SMCHD1: variants seen among roughly 807,000 people sequenced by gnomAD.
The protein encoded by SMCHD1 is structural maintenance of chromosomes flexible hinge domain containing 1.
In SMCHD1, 78 loss-of-function variants were observed where a neutral mutation model predicts 254.7. The observed-to-expected ratio is 0.31, with a 90% CI of 0.26 to 0.37. SMCHD1 has a LOEUF of 0.37. Ranked by LOEUF, SMCHD1 falls within the 10% of genes least tolerant of loss-of-function variation. The pLI is 1.00. For missense variants in SMCHD1, 1,840 were observed against 2,408.1 expected (o/e 0.76, Z 4.94); for synonymous variants, 766 against 794.9 (o/e 0.96, Z 0.61).
At chr18:2,706,043 A>T (rs2074506158) in intron 14 of SMCHD1, among the ~76,000 whole-genome samples, 1 of 152,138 alleles carries the variant, frequency 6.6e-6, no homozygotes, top group African/African-American at 2.4e-5. Flanking sequence ...AATTAATTTT[A>T]TAAAGTCATA....
At chr18:2,657,960 T>C (rs1393629441) in intron 1 of SMCHD1, among the ~76,000 whole-genome samples, 1 of 152,052 alleles carries the variant, frequency 6.6e-6, no homozygotes, top group African/African-American at 2.4e-5. Context: ...GTTTTTTTTT[T>C]TTCGTATTTT....
chr18:2,664,056 C>T (rs1003896954), intron 1 of SMCHD1, among the ~76,000 whole-genome samples: 4 of 152,044 alleles, frequency 2.6e-5, no homozygotes, highest in South Asian at 2.1e-4. Context: ...TTATGAAAAC[C>T]TTCAGACACA....
chr18:2,794,607 T>C (rs1371028261), intron 45 of SMCHD1, among the ~76,000 whole-genome samples: 1 of 152,204 alleles, frequency 6.6e-6, no homozygotes, highest in Non-Finnish European at 1.5e-5. Flanking sequence ...ACTTAGTGTC[T>C]AGTAAATCAT....
chr18:2,767,603 T>TTG (rs1419264332), intron 37 of SMCHD1, among the ~76,000 whole-genome samples: 1 of 145,112 alleles, frequency 6.9e-6, no homozygotes, highest in Non-Finnish European at 1.5e-5. Context: ...TTTTTTTTTT[T>TTG]TTTTGAGACA....
Position 2,770,017 on chromosome 18 carries a change from A to G in SMCHD1, c.4875A>G (p.Ala1625=). 6.3e-7 allele frequency: 1 copy of G among 1,598,004 alleles called. No individual in the cohort carries two copies. The highest frequency in any genetic ancestry group is 8.5e-7 in the Non-Finnish European group (1 of 1,175,670). Reference sequence around the variant, plus strand: ...TTAAGAAGCAGCAACAAATGGCAGCACTTACAAAAGAAAAGGACCAATTAT... The same window carrying G: ...TTAAGAAGCAGCAACAAATGGCAGCGCTTACAAAAGAAAAGGACCAATTAT... The part of the protein sequence containing the change: ...NDVKKQQQMA[A]LTKEKDQLSQ... The change falls in exon 39 of 48, where the codon GCA becomes GCG. Residue 1625 remains alanine (A), a synonymous_variant. Coordinates refer to ENST00000320876, the MANE Select transcript of SMCHD1 (RefSeq NM_015295.3).
In SMCHD1 at chr18:2,726,540, G is replaced by T. The variant is rs775311111; in HGVS notation, c.2773+16G>T. The T allele has an allele frequency of 8.7e-7, 1 of 1,154,376 alleles. No homozygotes were observed. 71.5% of individuals were successfully genotyped at this position (1,154,376 alleles called of 1,614,324 possible). ...TTACTACCTGGTAATATTATTTCAA[G>T]AAATATAATTATTTAAAATAATTTT... On this transcript the variant is annotated intron_variant, in intron 22 of 47. Transcript: ENST00000320876.
At chr18:2,677,968 G>C (rs141283254) in intron 5 of SMCHD1, among the ~76,000 whole-genome samples, 230 of 152,252 alleles carry the variant, frequency 1.5e-3, no homozygotes, top group African/African-American at 5.4e-3. Context: ...ATTACAACCA[G>C]CATCTTAATT....
chr18:2,778,698 TGAAG>T (rs2076106488), intron 44 of SMCHD1, among the ~76,000 whole-genome samples: 2 of 152,208 alleles, frequency 1.3e-5, no homozygotes, highest in South Asian at 4.1e-4. Context: ...AGACTGTGAA[TGAAG>T]GATCTGTTCC....
intron 1 of SMCHD1, among the ~76,000 whole-genome samples, chr18:2,664,436 C>T (rs1429110293): frequency 6.6e-6 from 1 of 151,814 alleles, no homozygotes; most frequent in African/African-American, 2.4e-5. Flanking sequence ...CTTTAGTTTT[C>T]CTGCAGTTGA....
At chr18:2,775,589 A>G (rs1228908436) in intron 41 of SMCHD1, 145 bp from the exon 42 acceptor site, 2 of 572,186 alleles carry the variant, frequency 3.5e-6, no homozygotes, top group Non-Finnish European at 5.7e-6. Flanking sequence ...AATATATTCA[A>G]GTTAAGTTTT....
intron 3 of SMCHD1, among the ~76,000 whole-genome samples, chr18:2,670,717 A>G (rs903203926): frequency 3.9e-5 from 6 of 151,916 alleles, no homozygotes; most frequent in African/African-American, 1.4e-4. Flanking sequence ...CCTGGCCAAC[A>G]TGGTGAAACC....
intron 5 of SMCHD1, among the ~76,000 whole-genome samples, chr18:2,679,368 C>G (rs1444707909): frequency 6.8e-6 from 1 of 146,612 alleles, no homozygotes; most frequent in Non-Finnish European, 1.5e-5. Context: ...CCCAGCTACT[C>G]GGGAGGTTGA....
intron 30 of SMCHD1, among the ~76,000 whole-genome samples, chr18:2,749,461 C>T (rs1235367685): frequency 6.6e-6 from 1 of 152,140 alleles, no homozygotes; most frequent in East Asian, 1.9e-4. Context: ...TTCTGGAGAA[C>T]CATCTGTAAA....
At chr18:2,780,567 T>C (rs992964713) in intron 44 of SMCHD1, among the ~76,000 whole-genome samples, 3 of 150,868 alleles carry the variant, frequency 2.0e-5, no homozygotes, top group African/African-American at 7.5e-5. Flanking sequence ...AACTAACTAA[T>C]AGGATGGTAA....
At chr18:2,782,583 T>TAA (rs78773992) in intron 44 of SMCHD1, among the ~76,000 whole-genome samples, 3 of 141,076 alleles carry the variant, frequency 2.1e-5, no homozygotes, top group Admixed American at 7.1e-5. Context: ...CTACAAAGTT[T>TAA]AAAAAAAAAA....
chr18:2,658,291 GATAA>G (rs2073134460), intron 1 of SMCHD1, among the ~76,000 whole-genome samples: 1 of 152,128 alleles, frequency 6.6e-6, no homozygotes, highest in Non-Finnish European at 1.5e-5. Context: ...GTAACTCTTA[GATAA>G]ATAGAGGAAG....
intron 26 of SMCHD1, among the ~76,000 whole-genome samples, chr18:2,739,049 A>G (rs982186166): frequency 4.6e-5 from 7 of 152,184 alleles, no homozygotes; most frequent in African/African-American, 1.4e-4. Flanking sequence ...ACCCATTTCT[A>G]TACTTTACCC....
At chr18:2,717,825 T>C (rs1382352145) in intron 17 of SMCHD1, among the ~76,000 whole-genome samples, 1 of 152,224 alleles carries the variant, frequency 6.6e-6, no homozygotes, top group Non-Finnish European at 1.5e-5. Context: ...TTTTTTAATA[T>C]TTACATTATA....
chr18:2,743,967 C>T (rs770142909), intron 29 of SMCHD1, 39 bp downstream of exon 29: 1 of 1,489,084 alleles, frequency 6.7e-7, no homozygotes, highest in Admixed American at 2.2e-5. Context: ...AATTTAATAT[C>T]ATATGGCTTA....
Sources: allele counts gnomAD v4.1 joint callset (sites outside exome capture counted in the v4.1 genomes callset), GRCh38; gene constraint gnomAD v4.1.1; transcripts MANE v1.5; gene names NCBI Gene and HGNC (gene_info 2026-07-23, HGNC 2026-07-21).